DMXL2: variants seen among roughly 807,000 people sequenced by gnomAD.
DMXL2 encodes dmX-like protein 2.
In DMXL2, 103 loss-of-function variants were observed where a neutral mutation model predicts 331.1. The observed-to-expected ratio is 0.31, with a 90% CI of 0.27 to 0.37. DMXL2 has a LOEUF of 0.37. DMXL2 is among the 10% of genes least tolerant of loss of function. The pLI is 1.00. For synonymous variants in DMXL2, 1,281 were observed against 1,252.1 expected, an observed-to-expected ratio of 1.02 and a Z score of -0.49; for missense variants, 3,171 against 3,642.9, an observed-to-expected ratio of 0.87 and a Z score of 3.33.
rs1327298040 is a variant in DMXL2 at position 51,583,179 on chromosome 15, GGTTA to G, written c.88-7002_88-6999del. The stretch of plus-strand genomic sequence containing the variant: ...TTAGGGTACATGTGCACATTGTGCA[GGTTA>G]GTTACATATGTATACATGTGCCATG... On this transcript the variant is annotated intron_variant, in intron 1 of 43. Transcript: ENST00000560891. Among the ~76,000 whole-genome samples, 11 of 113,190 alleles carry G rather than the reference GGTTA, an allele frequency of 9.7e-5. No homozygotes were observed. The East Asian group carries it at 2.7e-3, about 28-fold the overall frequency. The allele number at this position is 113,190 out of a possible 152,430, so 74.3% of individuals were successfully genotyped here.
At chr15:51,570,505 G>GAAA (rs2050594539) in intron 2 of DMXL2, among the ~76,000 whole-genome samples, 1 of 152,114 alleles carries the variant, frequency 6.6e-6, no homozygotes, top group African/African-American at 2.4e-5. Context: ...ATTAACCAAG[G>GAAA]TTGAAATGAA....
intron 43 of DMXL2, 74 bp from the exon 44 acceptor site, chr15:51,449,267 T>C (rs2038924338): frequency 4.1e-6 from 6 of 1,465,256 alleles, no homozygotes; most frequent in Non-Finnish European, 4.7e-6. Context: ...TTCTGCTCCC[T>C]TGGCCCAAGT....
At chr15:51,554,485 T>C (rs2049423030) in intron 6 of DMXL2, among the ~76,000 whole-genome samples, 1 of 152,210 alleles carries the variant, frequency 6.6e-6, no homozygotes, top group South Asian at 2.1e-4. Flanking sequence ...TTTCTCAAAC[T>C]GTTTTTCCAG....
intron 13 of DMXL2, among the ~76,000 whole-genome samples, chr15:51,521,464 G>GTAGTA (rs1567063016): frequency 1.4e-4 from 7 of 51,276 alleles, no homozygotes; most frequent in African/African-American, 4.1e-4. Context: ...TAGTAGTAGT[G>GTAGTA]GTAGTGGTAG....
At chr15:51,612,948 G>A (rs149660026) in intron 1 of DMXL2, among the ~76,000 whole-genome samples, 3,013 of 152,288 alleles carry the variant, frequency 0.02, 48 homozygotes, top group Middle Eastern at 0.034. Context: ...TCTCAGGGAT[G>A]TTCCTTGCTG....
intron 32 of DMXL2, among the ~76,000 whole-genome samples, chr15:51,464,170 A>G (rs1219697679): frequency 1.3e-5 from 2 of 152,260 alleles, no homozygotes; most frequent in Non-Finnish European, 2.9e-5. Flanking sequence ...TGGGAGGCCA[A>G]GACCAGGGAC....
chr15:51,471,905 G>A (rs1345413702), intron 28 of DMXL2, among the ~76,000 whole-genome samples: 1 of 152,152 alleles, frequency 6.6e-6, no homozygotes, highest in African/African-American at 2.4e-5. Context: ...ATCAACAACA[G>A]TCTAGAGTTA....
At chr15:51,489,604 G>A (rs941502331) in intron 20 of DMXL2, among the ~76,000 whole-genome samples, 3 of 150,972 alleles carry the variant, frequency 2.0e-5, no homozygotes, top group East Asian at 1.9e-4. Flanking sequence ...GCAGTGAGCC[G>A]AAATCACACC....
chr15:51,551,452 TC>T (rs2049217537), intron 6 of DMXL2, among the ~76,000 whole-genome samples: 1 of 152,184 alleles, frequency 6.6e-6, no homozygotes, highest in Non-Finnish European at 1.5e-5. Flanking sequence ...GTAGTTTGTA[TC>T]AAGCTACTAT....
At chr15:51,514,120 C>G (rs2046903512) in intron 15 of DMXL2, among the ~76,000 whole-genome samples, 1 of 152,042 alleles carries the variant, frequency 6.6e-6, no homozygotes, top group African/African-American at 2.4e-5. Context: ...ATAAAATTAA[C>G]TGTTTTCCTT....
At chr15:51,518,913 G>C (rs1179427655) in intron 13 of DMXL2, among the ~76,000 whole-genome samples, 1 of 152,130 alleles carries the variant, frequency 6.6e-6, no homozygotes, top group Non-Finnish European at 1.5e-5. Flanking sequence ...CTGGAAATTA[G>C]AATGAAGTAA....
rs149438842 is a variant in DMXL2 at position 51,604,486 on chromosome 15, T to C, written c.87+17973A>G. ...TGCAGCCATGAACAACTGGAAACAA[T>C]TGGAAAATAAAATGTTTAAAAAGAT... On this transcript the variant is annotated intron_variant, in intron 1 of 43. Coordinates refer to ENST00000560891, the MANE Select transcript of DMXL2 (RefSeq NM_001378457.1). 5.1e-3 allele frequency among the ~76,000 whole-genome samples: 774 copies of C among 151,084 alleles called. 6 individuals carry two copies. The highest frequency in any genetic ancestry group is 8.6e-3 in the Non-Finnish European group (585 of 67,826).
intron 2 of DMXL2, among the ~76,000 whole-genome samples, chr15:51,569,943 T>C (rs1202584349): frequency 6.6e-6 from 1 of 152,030 alleles, no homozygotes; most frequent in African/African-American, 2.4e-5. Context: ...AGAATGACTT[T>C]GACAAACTGA....
chr15:51,549,102 C>T (rs1955216616), intron 6 of DMXL2, among the ~76,000 whole-genome samples: 1 of 152,036 alleles, frequency 6.6e-6, no homozygotes, highest in Admixed American at 6.6e-5. Flanking sequence ...TCTTTTATCC[C>T]TCACTCTCCT....
chr15:51,556,015 G>A (rs1003820400), intron 6 of DMXL2, among the ~76,000 whole-genome samples: 4 of 152,094 alleles, frequency 2.6e-5, no homozygotes, highest in Admixed American at 2.0e-4. Context: ...ATTATTGGCC[G>A]AATCTCACTC....
At chr15:51,491,455 A>T in intron 20 of DMXL2, 123 bp downstream of exon 20, 1 of 957,628 alleles carries the variant, frequency 1.0e-6, no homozygotes, top group Non-Finnish European at 1.5e-6. Flanking sequence ...AAAAAAAAAA[A>T]TTCTCAAGAC....
Position 51,474,408 on chromosome 15 carries a change from A to C in DMXL2, c.7149T>G (p.Ala2383=). Residue 2383 remains alanine (A), a synonymous_variant, in exon 28 of 44, where the codon GCT becomes GCG. Coordinates refer to ENST00000560891, the MANE Select transcript of DMXL2 (RefSeq NM_001378457.1). The stretch of plus-strand genomic sequence containing the variant: ...GTTTTACACCGCCTCCAAAAACAGC[A>C]GCCCACATTCGATTATTTAATGGGT... The part of the protein sequence containing the change: ...AAHPLNNRMW[A]AVFGGGVKLV... 6.2e-7 allele frequency: 1 copy of C among 1,614,080 alleles called. No homozygotes were observed. Among genetic ancestry groups the C allele is most frequent in the African/African-American group, 1.3e-5 (1 of 75,076 alleles).
chr15:51,611,991 T>C (rs936886901), intron 1 of DMXL2, among the ~76,000 whole-genome samples: 2 of 152,200 alleles, frequency 1.3e-5, no homozygotes, highest in African/African-American at 4.8e-5. Context: ...AGCTTTGTCC[T>C]TTTGCTTTGC....
At chr15:51,606,266 G>A (rs551269873) in intron 1 of DMXL2, among the ~76,000 whole-genome samples, 91 of 152,256 alleles carry the variant, frequency 6.0e-4, no homozygotes, top group South Asian at 1.5e-3. Flanking sequence ...GGAGTGCAGT[G>A]GCGCGATCTC....
Sources: allele counts gnomAD v4.1 joint callset (sites outside exome capture counted in the v4.1 genomes callset), GRCh38; gene constraint gnomAD v4.1.1; transcripts MANE v1.5; gene names NCBI Gene and HGNC (gene_info 2026-07-23, HGNC 2026-07-21).